Variants in RAPGEF4 observed in about 807,000 individuals in gnomAD.
The protein encoded by RAPGEF4 is RAP guanine-nucleotide-exchange factor (GEF) 4.
Under a neutral mutation model 147.9 loss-of-function variants are expected in RAPGEF4, and 66 were observed. That is an observed-to-expected ratio of 0.45 (90% CI 0.37 to 0.55). RAPGEF4 has a LOEUF of 0.55. Ranked by LOEUF, RAPGEF4 falls within the 20% of genes least tolerant of loss-of-function variation. The probability of loss-of-function intolerance (pLI) is 0.00; values close to 1 mark genes in which losing one functional copy is unlikely to be tolerated. For missense variants in RAPGEF4, 1,071 were observed against 1,257.3 expected, an observed-to-expected ratio of 0.85 and a Z score of 2.24; for synonymous variants, 419 against 442.7, an observed-to-expected ratio of 0.95 and a Z score of 0.67.
In RAPGEF4 at chr2:172,920,400, G is replaced by A. The variant is rs1282621002; in HGVS notation, c.518-1881G>A. On this transcript the variant is annotated intron_variant, in intron 5 of 30. Coordinates refer to ENST00000397081, the MANE Select transcript of RAPGEF4 (RefSeq NM_007023.4). ...TCCGCCACCCAATCCATATTCAAAT[G>A]TTCCCAACCGAATGTCTTTATTGCT... Among the ~76,000 whole-genome samples the A allele has an allele frequency of 3.9e-5, 6 of 152,214 alleles. No individual in the cohort carries two copies. The East Asian group carries it at 1.2e-3, about 29-fold the overall frequency.
intron 1 of RAPGEF4, among the ~76,000 whole-genome samples, chr2:172,768,146 TG>T (rs777441384): frequency 2.6e-5 from 4 of 152,116 alleles, no homozygotes; most frequent in Non-Finnish European, 4.4e-5. Context: ...TTTTATTGAC[TG>T]GGACAAAATG....
intron 1 of RAPGEF4, among the ~76,000 whole-genome samples, chr2:172,745,574 T>C (rs185597138): frequency 1.7e-3 from 264 of 152,242 alleles, no homozygotes; most frequent in African/African-American, 5.8e-3. Context: ...CATTTTTTTT[T>C]CCTTTTTTCT....
Position 172,795,069 on chromosome 2 carries a change from G to A in RAPGEF4, c.110G>A (p.Arg37Gln), listed in dbSNP as rs757476344. 16 of 1,613,796 alleles carry A rather than the reference G, an allele frequency of 9.9e-6. No homozygotes were observed. Among genetic ancestry groups the A allele is most frequent in the East Asian group, 6.7e-5 (3 of 44,878 alleles). Reference protein sequence around the residue: ...SSEDVDIIFTRLKEVKAFEKF... With the variant: ...SSEDVDIIFTQLKEVKAFEKF... The stretch of plus-strand genomic sequence containing the variant: ...GAAGATGTGGATATAATCTTCACTC[G>A]ACTGAAAGAAGTTAAAGCTTTTGAG... Residue 37 changes from arginine to glutamine, a missense_variant, in exon 2 of 31, where the codon CGA becomes CAA. Transcript: ENST00000397081.
At chr2:172,808,211 CAAATA>C (rs776825286) in intron 3 of RAPGEF4, among the ~76,000 whole-genome samples, 2 of 152,068 alleles carry the variant, frequency 1.3e-5, no homozygotes, top group Non-Finnish European at 2.9e-5. Context: ...TACAATGAAA[CAAATA>C]AAACGCCTCA....
At chr2:172,828,449 T>A (rs1689929815) in intron 4 of RAPGEF4, among the ~76,000 whole-genome samples, 1 of 152,166 alleles carries the variant, frequency 6.6e-6, no homozygotes, top group South Asian at 2.1e-4. Context: ...GAGAAGCCCT[T>A]TGGAGCCTCC....
In RAPGEF4 at chr2:173,052,470, C is replaced by G. The variant is rs1686339082; in HGVS notation, c.*703C>G. ...GAAATGCCAAGATTCTTAAATTTGCCAGCGTTAAAGTAGAAAATAACATTT... is the reference window on the plus strand; with the variant it reads ...GAAATGCCAAGATTCTTAAATTTGCGAGCGTTAAAGTAGAAAATAACATTT... On this transcript the variant is annotated 3_prime_UTR_variant, in exon 31 of 31. Transcript: ENST00000397081. 1 of 152,554 alleles carries G rather than the reference C, an allele frequency of 6.6e-6. No homozygotes were observed. The highest frequency in any genetic ancestry group is 2.1e-4 in the South Asian group (1 of 4,828). The allele number at this position is 152,554 out of a possible 1,614,324, so 9.5% of individuals were successfully genotyped here.
chr2:172,874,451 A>G (rs1254479462), intron 4 of RAPGEF4, among the ~76,000 whole-genome samples: 5 of 151,758 alleles, frequency 3.3e-5, no homozygotes, highest in Admixed American at 3.3e-4. Context: ...TCCTGTGTCC[A>G]AGTGTTCTCA....
chr2:172,896,257 A>G (rs1426465307), intron 4 of RAPGEF4, among the ~76,000 whole-genome samples: 1 of 152,234 alleles, frequency 6.6e-6, no homozygotes, highest in African/African-American at 2.4e-5. Flanking sequence ...CCAGTGAATG[A>G]AGCGTTTTAG....
intron 1 of RAPGEF4, among the ~76,000 whole-genome samples, chr2:172,766,425 G>A (rs1026259560): frequency 2.0e-5 from 3 of 152,044 alleles, no homozygotes; most frequent in East Asian, 1.9e-4. Flanking sequence ...GCTGGCACGC[G>A]CCCATAGTCC....
chr2:172,814,231 C>T lies in RAPGEF4; in HGVS notation c.298-48C>T, dbSNP rs751645629. On this transcript the variant is annotated intron_variant, in intron 3 of 30. Coordinates refer to ENST00000397081, the MANE Select transcript of RAPGEF4 (RefSeq NM_007023.4). Reference sequence around the variant, plus strand: ...GCAGTTAAAGAAAAGAAAACACCTACCCATTAGATGTTTAATTTTCTAATG... The same window carrying T: ...GCAGTTAAAGAAAAGAAAACACCTATCCATTAGATGTTTAATTTTCTAATG... 3.4e-5 allele frequency: 54 copies of T among 1,579,184 alleles called. No individual in the cohort carries two copies. In the East Asian group the frequency reaches 1.1e-3, roughly 33 times the overall value.
At chr2:172,746,892 C>T (rs13011903) in intron 1 of RAPGEF4, among the ~76,000 whole-genome samples, 3 of 152,106 alleles carry the variant, frequency 2.0e-5, no homozygotes, top group Non-Finnish European at 4.4e-5. Flanking sequence ...GGATTACAGG[C>T]TTGAGCCACT....
At chr2:172,753,702 A>T (rs1331894668) in intron 1 of RAPGEF4, among the ~76,000 whole-genome samples, 3 of 152,150 alleles carry the variant, frequency 2.0e-5, no homozygotes, top group Non-Finnish European at 4.4e-5. Flanking sequence ...GGAAAAGGAA[A>T]ACTTTTTTTT....
intron 3 of RAPGEF4, among the ~76,000 whole-genome samples, chr2:172,805,164 C>A (rs1284023022): frequency 6.6e-6 from 1 of 152,182 alleles, no homozygotes; most frequent in Non-Finnish European, 1.5e-5. Context: ...GTTTTCCTCT[C>A]AGTCAAGTTT....
chr2:172,996,525 G>T lies in RAPGEF4; in HGVS notation c.1550G>T (p.Arg517Leu), dbSNP rs778093051. ...TTAGAGCATTTTCTAGAAACAATACGCCTTGAGGCAACTTTAAATGAAGCA... is the reference window on the plus strand; with the variant it reads ...TTAGAGCATTTTCTAGAAACAATACTCCTTGAGGCAACTTTAAATGAAGCA... Reference protein sequence around the residue: ...KILEHFLETIRLEATLNEATD... With the variant: ...KILEHFLETILLEATLNEATD... Residue 517 changes from arginine to leucine, a missense_variant, in exon 16 of 31, where the codon CGC becomes CTC. Arg to Leu is a moderately radical substitution (Grantham distance 102). Transcript: ENST00000397081. The T allele has an allele frequency of 6.3e-7, 1 of 1,586,594 alleles. No individual in the cohort carries two copies. The highest frequency in any genetic ancestry group is 2.3e-5 in the East Asian group (1 of 43,000).
chr2:172,742,900 A>C (rs1694429007), intron 1 of RAPGEF4, among the ~76,000 whole-genome samples: 1 of 152,142 alleles, frequency 6.6e-6, no homozygotes, highest in Non-Finnish European at 1.5e-5. Context: ...TCAGAGGAAA[A>C]GTGGTGCTTA....
intron 4 of RAPGEF4, among the ~76,000 whole-genome samples, chr2:172,869,468 T>C (rs1048036484): frequency 1.3e-5 from 2 of 152,192 alleles, no homozygotes; most frequent in Non-Finnish European, 2.9e-5. Flanking sequence ...TCCAACATCT[T>C]GCATGGAGTT....
intron 4 of RAPGEF4, among the ~76,000 whole-genome samples, chr2:172,904,511 A>G (rs1161471123): frequency 6.6e-6 from 1 of 152,164 alleles, no homozygotes; most frequent in Non-Finnish European, 1.5e-5. Context: ...TTGATTAATT[A>G]CTCAAATATA....
intron 1 of RAPGEF4, among the ~76,000 whole-genome samples, chr2:172,759,567 G>T (rs942904077): frequency 6.6e-6 from 1 of 152,198 alleles, no homozygotes; most frequent in African/African-American, 2.4e-5. Flanking sequence ...GTGAAACTCA[G>T]AAGTGATATT....
chr2:172,781,977 A>C (rs12997037), intron 1 of RAPGEF4, among the ~76,000 whole-genome samples: 146,451 of 152,248 alleles, frequency 0.96, 70,714 homozygotes, highest in East Asian at 1. Flanking sequence ...GTACTCCTCT[A>C]AATTCAAGTC....
Sources: gnomAD v4.1 joint callset for allele counts (sites outside exome capture counted in the v4.1 genomes callset) on GRCh38, gnomAD v4.1.1 for gene constraint, MANE v1.5 for transcripts, NCBI Gene and HGNC (gene_info 2026-07-23, HGNC 2026-07-21) for gene names.